Variants in LEPROT observed in about 807,000 individuals in gnomAD.
LEPROT encodes the protein leptin receptor overlapping transcript, also known as leptin receptor gene-related protein.
Under a neutral mutation model 15.4 loss-of-function variants are expected in LEPROT, and 3 were observed. The observed-to-expected ratio is 0.19, with a 90% CI of 0.09 to 0.50. The LOEUF is 0.50. LEPROT is among the 20% of genes least tolerant of loss of function. LEPROT has a pLI of 0.97. For missense variants in LEPROT, 137 were observed against 162.2 expected (o/e 0.84, Z 0.84); for synonymous variants, 59 against 57.5 (o/e 1.03, Z -0.12).
intron 2 of LEPROT, 56 bp from the exon 3 acceptor site, chr1:65,429,806 A>G: frequency 7.5e-7 from 1 of 1,330,486 alleles, no homozygotes; most frequent in South Asian, 2.2e-5. Context: ...TATGTCTTTC[A>G]TTTAAAATGT....
intron 2 of LEPROT, among the ~76,000 whole-genome samples, chr1:65,427,537 C>T (rs1432396507): frequency 6.6e-6 from 1 of 151,912 alleles, no homozygotes; most frequent in East Asian, 1.9e-4. Context: ...CCAGCCTGGG[C>T]GACAGAGTGA....
At chr1:65,430,601 C>T (rs958015362) in intron 3 of LEPROT, among the ~76,000 whole-genome samples, 2 of 152,160 alleles carry the variant, frequency 1.3e-5, no homozygotes, top group African/African-American at 4.8e-5. Context: ...GTCTTTCCTA[C>T]TATTTGATTT....
intron 1 of LEPROT, among the ~76,000 whole-genome samples, chr1:65,424,111 C>G (rs1646309751): frequency 1.3e-5 from 2 of 152,150 alleles, no homozygotes; most frequent in African/African-American, 2.4e-5. Flanking sequence ...ACTCAGAGCT[C>G]AAGATTTTGT....
At chr1:65,427,538 G>A (rs534778091) in intron 2 of LEPROT, among the ~76,000 whole-genome samples, 6 of 152,256 alleles carry the variant, frequency 3.9e-5, no homozygotes, top group Admixed American at 2.6e-4. Context: ...CAGCCTGGGC[G>A]ACAGAGTGAG....
At position 65,420,680 on chromosome 1, in the gene LEPROT, C is replaced by T. The variant is rs1195290423; in HGVS notation, c.-45C>T. 2 of 1,565,338 alleles carry T rather than the reference C, an allele frequency of 1.3e-6. No homozygotes were observed. Among genetic ancestry groups the T allele is most frequent in the East Asian group, 2.4e-5 (1 of 42,330 alleles). ...GTCTGGCTTGGGCAGGCTGCCCGGG[C>T]CGTGGCAGGAAGCCGGAAGCAGCCG... On this transcript the variant is annotated 5_prime_UTR_variant, in exon 1 of 4. Coordinates refer to ENST00000371065, the MANE Select transcript of LEPROT (RefSeq NM_017526.5).
intron 3 of LEPROT, 109 bp downstream of exon 3, chr1:65,430,157 C>T (rs960798816): frequency 2.6e-5 from 26 of 989,262 alleles, no homozygotes; most frequent in Non-Finnish European, 3.3e-5. Context: ...TACTCAAGGC[C>T]GTGTGTTTTT....
rs1646550954 is a variant in LEPROT, at chr1:65,435,568, C to T, written c.*3649C>T. ...TATTTTTAGTAAAGACGGGTTTCAT[C>T]GTGTTAGCCAGGATGGTCTCGATCT... On this transcript the variant is annotated 3_prime_UTR_variant, in exon 4 of 4. Transcript: ENST00000371065. 4.0e-6 allele frequency: 2 copies of T among 494,228 alleles called. No individual in the cohort carries two copies. The highest frequency in any genetic ancestry group is 5.2e-6 in the Non-Finnish European group (2 of 381,106). 30.6% of individuals were successfully genotyped at this position (494,228 alleles called of 1,614,324 possible).
rs901076256 is a variant in LEPROT, at chr1:65,434,467, C to A, written c.*2548C>A. 5 of 985,188 alleles carry A rather than the reference C, an allele frequency of 5.1e-6. No homozygotes were observed. The highest frequency in any genetic ancestry group is 9.4e-5 in the South Asian group (2 of 21,284). The allele number at this position is 985,188 out of a possible 1,614,324, so 61.0% of individuals were successfully genotyped here. ...ATGTTTCAAACAAGTGGGTTACAAG[C>A]AGACTTTGAGACACTTTTCCACAGA... On this transcript the variant is annotated 3_prime_UTR_variant, in exon 4 of 4. Transcript: ENST00000371065.
chr1:65,421,462 A>C (rs1646249043), intron 1 of LEPROT: 2 of 1,536,112 alleles, frequency 1.3e-6, no homozygotes, highest in African/African-American at 1.4e-5. Flanking sequence ...GTATTTTGGT[A>C]GGAAAACATT....
chr1:65,434,656 C>A lies in LEPROT; in HGVS notation c.*2737C>A, dbSNP rs1646533910. The A allele has an allele frequency of 3.8e-5, 37 of 985,208 alleles. No homozygotes were observed. The South Asian group carries it at 1.6e-3, about 44-fold the overall frequency. 61.0% of individuals were successfully genotyped at this position (985,208 alleles called of 1,614,324 possible). ...GAGGAAGGACAGTGCAACTTTCCAC[C>A]CCTTTTCCTAAGAACAAGGTCTTTC... On this transcript the variant is annotated 3_prime_UTR_variant, in exon 4 of 4. Coordinates refer to ENST00000371065, the MANE Select transcript of LEPROT (RefSeq NM_017526.5).
chr1:65,433,553 G>A lies in LEPROT; in HGVS notation c.*1634G>A, dbSNP rs993909973. 1 of 985,262 alleles carries A rather than the reference G, an allele frequency of 1.0e-6. No homozygotes were observed. Among genetic ancestry groups the A allele is most frequent in the Non-Finnish European group, 1.2e-6 (1 of 829,914 alleles). 61.0% of individuals were successfully genotyped at this position (985,262 alleles called of 1,614,324 possible). ...TTAATCCTTGAGGCTTGTGATCTGA[G>A]TAATTAGCAGGTATGATGCTGGGAC... On this transcript the variant is annotated 3_prime_UTR_variant, in exon 4 of 4. Coordinates refer to ENST00000371065, the MANE Select transcript of LEPROT (RefSeq NM_017526.5).
chr1:65,428,629 C>T (rs1394489520), intron 2 of LEPROT, among the ~76,000 whole-genome samples: 1 of 152,128 alleles, frequency 6.6e-6, no homozygotes, highest in African/African-American at 2.4e-5. Flanking sequence ...GTGGCTTCAT[C>T]CCAACTCCTG....
Position 65,434,528 on chromosome 1 carries a change from C to T in LEPROT, c.*2609C>T. On this transcript the variant is annotated 3_prime_UTR_variant, in exon 4 of 4. Coordinates refer to ENST00000371065, the MANE Select transcript of LEPROT (RefSeq NM_017526.5). The stretch of plus-strand genomic sequence containing the variant: ...TGAATTGGTGATTGAGTTCCCAGGC[C>T]AAGCCTCCCTCAACAGGTTCAACTC... 1.0e-6 allele frequency: 1 copy of T among 984,922 alleles called. No individual in the cohort carries two copies. Among genetic ancestry groups the T allele is most frequent in the Non-Finnish European group, 1.2e-6 (1 of 829,552 alleles). The allele number at this position is 984,922 out of a possible 1,614,324, so 61.0% of individuals were successfully genotyped here.
chr1:65,423,133 G>T (rs1318523098), intron 1 of LEPROT, among the ~76,000 whole-genome samples: 1 of 152,106 alleles, frequency 6.6e-6, no homozygotes, highest in Non-Finnish European at 1.5e-5. Context: ...TGTTGAATTT[G>T]AGGTTCTTGT....
In LEPROT at chr1:65,429,880, C is replaced by T. The variant is rs991925119; in HGVS notation, c.111C>T (p.Phe37=). Residue 37 remains phenylalanine (F), a synonymous_variant, in exon 3 of 4, where the codon TTC becomes TTT. Transcript: ENST00000371065. Reference sequence around the variant, plus strand: ...CTGACAGCGTTTACTGGCCCTTATTCGTCCTGATTTTCCACGCCATCTCCC... The same window carrying T: ...CTGACAGCGTTTACTGGCCCTTATTTGTCCTGATTTTCCACGCCATCTCCC... ...LEDYGVYWPL[F]VLIFHAISPI... is the part of the protein sequence containing the mutation. The T allele has an allele frequency of 8.0e-6, 12 of 1,500,734 alleles. No individual in the cohort carries two copies. Among genetic ancestry groups the T allele is most frequent in the Admixed American group, 1.8e-5 (1 of 55,232 alleles). The allele number at this position is 1,500,734 out of a possible 1,614,324, so 93.0% of individuals were successfully genotyped here.
In LEPROT at chr1:65,433,742, C is replaced by A. The variant is rs537115453; in HGVS notation, c.*1823C>A. The A allele has an allele frequency of 6.5e-6, 6 of 917,960 alleles. No homozygotes were observed. In the African/African-American group the frequency reaches 9.0e-5, roughly 14 times the overall value. 56.9% of individuals were successfully genotyped at this position (917,960 alleles called of 1,614,324 possible). Reference sequence around the variant, plus strand: ...TATTTAGATACTTTATAATTTTAACCGGCATTTTTAATAATGACACTTGCA... The same window carrying A: ...TATTTAGATACTTTATAATTTTAACAGGCATTTTTAATAATGACACTTGCA... On this transcript the variant is annotated 3_prime_UTR_variant, in exon 4 of 4. Transcript: ENST00000371065.
intron 2 of LEPROT, among the ~76,000 whole-genome samples, chr1:65,429,324 A>G (rs1475523694): frequency 6.6e-6 from 1 of 152,206 alleles, no homozygotes; most frequent in Non-Finnish European, 1.5e-5. Context: ...AGAGTGTTCA[A>G]GGGACAGAAA....
At chr1:65,426,188 G>GA (rs1646361827) in intron 2 of LEPROT, among the ~76,000 whole-genome samples, 2 of 152,136 alleles carry the variant, frequency 1.3e-5, no homozygotes, top group East Asian at 1.9e-4. Context: ...GATCTCTAGG[G>GA]AAAAAGCACT....
chr1:65,425,947 T>A (rs2101683208), intron 2 of LEPROT, among the ~76,000 whole-genome samples: 1 of 152,282 alleles, frequency 6.6e-6, no homozygotes, highest in African/African-American at 2.4e-5. Context: ...CAGCTACTGT[T>A]ATGGGAACTA....
Sources: allele counts gnomAD v4.1 joint callset (sites outside exome capture counted in the v4.1 genomes callset), GRCh38; gene constraint gnomAD v4.1.1; transcripts MANE v1.5; gene names NCBI Gene and HGNC (gene_info 2026-07-23, HGNC 2026-07-21).